The following ULK4 variants were observed in gnomAD, a reference collection of about 807,000 sequenced individuals.
ULK4 encodes unc-51 like kinase 4, also known as inactive serine/threonine-protein kinase ULK4.
A neutral mutation model predicts 160.6 loss-of-function variants in ULK4; 133 were observed. The ratio of observed to expected loss-of-function variants is 0.83; its 90% CI spans 0.72 to 0.96. The LOEUF is 0.96. Among genes scored for constraint, ULK4 ranks in the 40% least tolerant of loss-of-function variants. The pLI is 0.00. For synonymous variants in ULK4, 534 were observed against 539.8 expected (o/e 0.99, Z 0.15); for missense variants, 1,580 against 1,499.5 (o/e 1.05, Z -0.89).
At chr3:41,644,540 A>G (rs1043694222) in intron 30 of ULK4, among the ~76,000 whole-genome samples, 4 of 152,192 alleles carry the variant, frequency 2.6e-5, no homozygotes, top group Non-Finnish European at 5.9e-5. Flanking sequence ...CCAGGGATGA[A>G]GCCCACTTGA....
intron 17 of ULK4, among the ~76,000 whole-genome samples, chr3:41,865,670 C>T (rs2042599676): frequency 6.6e-6 from 1 of 152,108 alleles, no homozygotes; most frequent in African/African-American, 2.4e-5. Context: ...CAGGGCCTAC[C>T]CAATTACTTG....
chr3:41,878,894 C>A (rs1316954434), intron 17 of ULK4, among the ~76,000 whole-genome samples: 2 of 138,038 alleles, frequency 1.4e-5, no homozygotes, highest in African/African-American at 5.1e-5. Flanking sequence ...ATTCCTATTT[C>A]CCCAAGCCAT....
intron 32 of ULK4, among the ~76,000 whole-genome samples, chr3:41,508,534 A>G (rs1276990274): frequency 6.6e-6 from 1 of 152,044 alleles, no homozygotes; most frequent in African/African-American, 2.4e-5. Flanking sequence ...ACACAAAACA[A>G]AAATATAACC....
intron 19 of ULK4, among the ~76,000 whole-genome samples, chr3:41,803,171 C>A (rs866510301): frequency 4.1e-4 from 56 of 136,102 alleles, no homozygotes; most frequent in African/African-American, 1.1e-3. Context: ...GACTCCATCT[C>A]AAAAAAAAAA....
chr3:41,431,547 C>CCTTTTTTTT lies in ULK4; in HGVS notation c.3492+23949_3492+23950insAAAAAAAAG, dbSNP rs563543377. On this transcript the variant is annotated intron_variant, in intron 34 of 36. Coordinates refer to ENST00000301831, the MANE Select transcript of ULK4 (RefSeq NM_017886.4). ...CCTGTGAGGTGTTGTAATTCCCTCC[C>CCTTTTTTTT]TTTTTTTTTTTTTTTGATGTGGAAA... is the stretch of plus-strand genomic sequence containing the variant. Among the ~76,000 whole-genome samples, 35 of 95,850 alleles carry CCTTTTTTTT rather than the reference C, an allele frequency of 3.7e-4. 1 individual carries two copies. The highest frequency in any genetic ancestry group is 1.5e-3 in the South Asian group (4 of 2,660). The allele number at this position is 95,850 out of a possible 152,430, so 62.9% of individuals were successfully genotyped here.
At chr3:41,298,639 G>A (rs1702184820) in intron 35 of ULK4, among the ~76,000 whole-genome samples, 1 of 152,208 alleles carries the variant, frequency 6.6e-6, no homozygotes, top group South Asian at 2.1e-4. Flanking sequence ...TCCAAACTGT[G>A]TATGAGGAAA....
At chr3:41,599,807 T>G (rs1220725078) in intron 31 of ULK4, among the ~76,000 whole-genome samples, 5 of 152,116 alleles carry the variant, frequency 3.3e-5, no homozygotes, top group Non-Finnish European at 7.4e-5. Context: ...TCAAGTTATC[T>G]GCCTGCCTTG....
At chr3:41,478,378 A>T (rs1020103870) in intron 32 of ULK4, among the ~76,000 whole-genome samples, 2 of 152,242 alleles carry the variant, frequency 1.3e-5, no homozygotes, top group African/African-American at 4.8e-5. Context: ...TGTATTCAGT[A>T]CATTCATTTT....
In ULK4 at chr3:41,956,226, G is replaced by T. The variant is rs569075947; in HGVS notation, c.-48-1419C>A. ...AATGGAATGAATGAATGAATGAAAT[G>T]GAATCAATGAAATTGGCTGACTGCA... On this transcript the variant is annotated intron_variant, in intron 1 of 36. Transcript: ENST00000301831. Among the ~76,000 whole-genome samples, 4 of 152,220 alleles carry T rather than the reference G, an allele frequency of 2.6e-5. No individual in the cohort carries two copies. The South Asian group carries it at 6.2e-4, about 24-fold the overall frequency.
intron 21 of ULK4, among the ~76,000 whole-genome samples, chr3:41,773,612 G>C (rs1313763783): frequency 1.3e-5 from 2 of 152,122 alleles, no homozygotes; most frequent in Admixed American, 6.6e-5. Context: ...CTCATGGATA[G>C]GAAGAATCAA....
intron 17 of ULK4, among the ~76,000 whole-genome samples, chr3:41,870,979 G>C (rs1697068173): frequency 6.6e-6 from 1 of 152,120 alleles, no homozygotes; most frequent in South Asian, 2.1e-4. Flanking sequence ...CACAAGATCT[G>C]ATGGTTTTAT....
At chr3:41,638,821 C>G (rs936346571) in intron 30 of ULK4, among the ~76,000 whole-genome samples, 2 of 152,214 alleles carry the variant, frequency 1.3e-5, no homozygotes, top group Non-Finnish European at 2.9e-5. Flanking sequence ...ATGTTACATT[C>G]CATTCAGTCA....
intron 16 of ULK4, among the ~76,000 whole-genome samples, chr3:41,893,992 T>C (rs1332995098): frequency 6.6e-6 from 1 of 152,168 alleles, no homozygotes; most frequent in Non-Finnish European, 1.5e-5. Context: ...CCAGAGAACT[T>C]GTCTACCTCA....
chr3:41,692,952 T>C (rs1245358846), intron 27 of ULK4, among the ~76,000 whole-genome samples: 1 of 152,204 alleles, frequency 6.6e-6, no homozygotes, highest in East Asian at 1.9e-4. Context: ...CCAAATGAAA[T>C]CAATGTCTGT....
At chr3:41,886,736 C>A (rs1697736357) in intron 16 of ULK4, among the ~76,000 whole-genome samples, 1 of 152,026 alleles carries the variant, frequency 6.6e-6, no homozygotes, top group South Asian at 2.1e-4. Flanking sequence ...CCACCATGCC[C>A]AGCTCATTTT....
chr3:41,353,703 T>TACTACC (rs1553646834), intron 35 of ULK4, among the ~76,000 whole-genome samples: 672 of 16,474 alleles, frequency 0.041, 4 homozygotes, highest in Admixed American at 0.049. Flanking sequence ...TTACAATTAC[T>TACTACC]ACTACTACTA....
intron 17 of ULK4, among the ~76,000 whole-genome samples, chr3:41,860,581 T>C (rs1351570228): frequency 6.6e-6 from 1 of 152,212 alleles, no homozygotes; most frequent in African/African-American, 2.4e-5. Flanking sequence ...GAATATTTTT[T>C]TCCATCCCTT....
chr3:41,262,627 T>C (rs1391927812), intron 35 of ULK4, among the ~76,000 whole-genome samples: 2 of 152,152 alleles, frequency 1.3e-5, no homozygotes, highest in African/African-American at 4.8e-5. Flanking sequence ...AGAAGTAACA[T>C]GCGGAGGATT....
intron 5 of ULK4, among the ~76,000 whole-genome samples, chr3:41,928,989 T>C (rs1353455013): frequency 6.6e-6 from 1 of 152,096 alleles, no homozygotes; most frequent in African/African-American, 2.4e-5. Context: ...CTAACTCATT[T>C]TATGAGGCCA....
Sources: allele counts gnomAD v4.1 joint callset (sites outside exome capture counted in the v4.1 genomes callset), GRCh38; gene constraint gnomAD v4.1.1; transcripts MANE v1.5; gene names NCBI Gene and HGNC (gene_info 2026-07-23, HGNC 2026-07-21).